The following ERAP1 variants were observed in gnomAD, a reference collection of about 807,000 sequenced individuals.
The protein encoded by ERAP1 is endoplasmic reticulum aminopeptidase 1.
Under a neutral mutation model 103.7 loss-of-function variants are expected in ERAP1, and 86 were observed. The observed-to-expected ratio is 0.83, with a 90% CI of 0.70 to 0.99. The LOEUF (loss-of-function observed/expected upper bound fraction) is 0.99, where lower values mean the gene tolerates loss of function less well. ERAP1 is among the 50% of genes least tolerant of loss of function. The pLI, the probability that ERAP1 is intolerant of heterozygous loss-of-function variation, is 0.00. For missense variants in ERAP1, 1,009 were observed against 1,128.4 expected (o/e 0.89, Z 1.52); for synonymous variants, 398 against 402.4 (o/e 0.99, Z 0.13).
upstream of ERAP1, among the ~76,000 whole-genome samples, chr5:96,808,619 G>A (rs1272595739): frequency 6.6e-6 from 1 of 152,178 alleles, no homozygotes; most frequent in Non-Finnish European, 1.5e-5. Context: ...GCACTACCAA[G>A]GGCCACTGTA....
chr5:96,897,006 C>T, the ERAP1 span: 4 of 247,582 alleles, frequency 1.6e-5, no homozygotes, highest in Non-Finnish European at 2.2e-5. Flanking sequence ...TAGAAGGCAG[C>T]ACTTCCCTTT....
chr5:96,921,316 AT>A, the ERAP1 span, among the ~76,000 whole-genome samples: 2 of 152,196 alleles, frequency 1.3e-5, no homozygotes, highest in African/African-American at 4.8e-5. Context: ...TTTATTCTAC[AT>A]TTTTAGTTAT....
the ERAP1 span, among the ~76,000 whole-genome samples, chr5:96,849,229 TCAC>T: frequency 6.6e-6 from 1 of 152,178 alleles, no homozygotes; most frequent in Non-Finnish European, 1.5e-5. Flanking sequence ...ATGCCTACTT[TCAC>T]CACTTTTATT....
the ERAP1 span, chr5:96,909,523 G>A: frequency 1.4e-6 from 2 of 1,406,234 alleles, no homozygotes; most frequent in Admixed American, 3.4e-5. Context: ...AGATGGGCAA[G>A]AACTGTGTTA....
At chr5:96,895,320 A>G in the ERAP1 span, 19 of 1,612,664 alleles carry the variant, frequency 1.2e-5, no homozygotes, top group East Asian at 3.3e-4. Flanking sequence ...AATACATGGA[A>G]CTTATCGCTG....
chr5:96,767,418 T>G (rs777870786), intron 19 of ERAP1: 1 of 1,604,396 alleles, frequency 6.2e-7, no homozygotes, highest in Non-Finnish European at 8.5e-7. Flanking sequence ...GCTTAACCAA[T>G]AGTCTGCCTT....
rs138617866 is a variant in ERAP1 at position 96,781,193 on chromosome 5, A to C, written c.2453T>G (p.Leu818Arg). The C allele has an allele frequency of 6.2e-6, 10 of 1,612,692 alleles. No homozygotes were observed. Among genetic ancestry groups the C allele is most frequent in the African/African-American group, 1.3e-5 (1 of 74,632 alleles). Residue 818 changes from leucine (L) to arginine (R), a missense_variant, in exon 17 of 19, where the codon CTA becomes CGA. Coordinates refer to ENST00000443439, the MANE Select transcript of ERAP1 (RefSeq NM_001040458.3). ...TTTATCTCCCTTAAAGCTTTCATCT[A>C]GTAGCCTAGAAGGATTAAGAAAAGA... ...TQNKEKLQWL[L>R]DESFKGDKIK... is the part of the protein sequence containing the mutation.
At chr5:96,917,519 A>G in the ERAP1 span, 2 of 1,613,950 alleles carry the variant, frequency 1.2e-6, no homozygotes, top group Non-Finnish European at 1.7e-6. Context: ...TATTTTTCAA[A>G]CTGTTCTGGA....
At position 96,792,075 on chromosome 5, in the gene ERAP1, C is replaced by T. The variant is rs747962101; in HGVS notation, c.1306G>A (p.Val436Ile). 9 of 1,613,934 alleles carry T rather than the reference C, an allele frequency of 5.6e-6. No homozygotes were observed. The highest frequency in any genetic ancestry group is 1.3e-5 in the African/African-American group (1 of 74,928). The stretch of plus-strand genomic sequence containing the variant: ...TCTACTTTTACCTTATCATAAGAAA[C>T]ATCATCAAACATCTCCCGGATCTGA... ...PAQIREMFDD[V>I]SYDKGACILN... is the part of the protein sequence containing the mutation. The change falls in exon 8 of 19, where the codon GTT (valine) becomes ATT (isoleucine). Residue 436 changes from valine (V) to isoleucine (I), a missense_variant. Physicochemically the swap from Val to Ile is conservative, Grantham distance 29. Coordinates refer to ENST00000443439, the MANE Select transcript of ERAP1 (RefSeq NM_001040458.3).
chr5:96,903,445 G>A, the ERAP1 span: 29 of 1,613,922 alleles, frequency 1.8e-5, no homozygotes, highest in East Asian at 3.3e-4. Context: ...TTACTACATC[G>A]TTCACTATGA....
chr5:96,913,411 C>T, the ERAP1 span: 837,966 of 1,613,122 alleles, frequency 0.52, 219,166 homozygotes, highest in Admixed American at 0.61. Context: ...GGGGCAGCAA[C>T]TAGCATGGGA....
chr5:96,884,107 G>T, the ERAP1 span, among the ~76,000 whole-genome samples: 1 of 150,894 alleles, frequency 6.6e-6, no homozygotes, highest in Non-Finnish European at 1.5e-5. Flanking sequence ...CATTCTAGAC[G>T]TTAACATCAT....
At chr5:96,823,096 T>G in the ERAP1 span, 1 of 456,192 alleles carries the variant, frequency 2.2e-6, no homozygotes, top group Non-Finnish European at 4.4e-6. Flanking sequence ...CTTTACCATG[T>G]GGGATCCCCC....
chr5:96,909,130 T>C, the ERAP1 span: 2 of 1,612,628 alleles, frequency 1.2e-6, no homozygotes, highest in South Asian at 2.2e-5. Flanking sequence ...TTGTGTTGCT[T>C]TTAGAAAATG....
At chr5:96,893,887 C>T in the ERAP1 span, among the ~76,000 whole-genome samples, 1 of 152,290 alleles carries the variant, frequency 6.6e-6, no homozygotes, top group East Asian at 1.9e-4. Flanking sequence ...GATTACCTGC[C>T]ATTTTCTGAA....
chr5:96,840,519 C>T, the ERAP1 span, among the ~76,000 whole-genome samples: 1,199 of 152,180 alleles, frequency 7.9e-3, 18 homozygotes, highest in African/African-American at 0.027. Flanking sequence ...TTGTTCTAAC[C>T]TAGCAACAAA....
At chr5:96,806,485 A>G (rs1481454426) in intron 1 of ERAP1, among the ~76,000 whole-genome samples, 2 of 152,202 alleles carry the variant, frequency 1.3e-5, no homozygotes, top group African/African-American at 4.8e-5. Context: ...CTAATAGCCT[A>G]TTATTCTCAT....
chr5:96,853,425 G>A, the ERAP1 span, among the ~76,000 whole-genome samples: 1 of 152,060 alleles, frequency 6.6e-6, no homozygotes, highest in Admixed American at 6.6e-5. Flanking sequence ...ACCTGCCTTA[G>A]GTACACTACC....
chr5:96,833,651 A>C, the ERAP1 span, among the ~76,000 whole-genome samples: 1 of 152,136 alleles, frequency 6.6e-6, no homozygotes, highest in Non-Finnish European at 1.5e-5. Context: ...AATAGCAATT[A>C]GCCGAGCATG....
Sources: allele counts gnomAD v4.1 joint callset (sites outside exome capture counted in the v4.1 genomes callset), GRCh38; gene constraint gnomAD v4.1.1; transcripts MANE v1.5; gene names NCBI Gene and HGNC (gene_info 2026-07-23, HGNC 2026-07-21).